Variants in PDPK1 observed in about 807,000 individuals in gnomAD.
PDPK1 encodes the protein 3-phosphoinositide dependent protein kinase 1.
Under a neutral mutation model 39.8 loss-of-function variants are expected in PDPK1, and 7 were observed. The ratio of observed to expected loss-of-function variants is 0.18; its 90% confidence interval spans 0.10 to 0.33. The LOEUF is 0.33. Among genes scored for constraint, PDPK1 ranks in the 10% least tolerant of loss-of-function variants. The probability of loss-of-function intolerance (pLI) is 1.00; values close to 1 mark genes in which losing one functional copy is unlikely to be tolerated. For missense variants in PDPK1, 182 were observed against 384.7 expected (o/e 0.47, Z 4.41); for synonymous variants, 118 against 159.1 (o/e 0.74, Z 1.95).
chr16:2,597,548 G>T lies in PDPK1; in HGVS notation c.1555-103G>T. ...GTGTGAATAACCGTCACACCCACGT[G>T]CTTTCAGGACTCGGAATGGCTGGTC... On this transcript the variant is annotated intron_variant, in intron 13 of 13. Coordinates refer to ENST00000342085, the MANE Select transcript of PDPK1 (RefSeq NM_002613.5). The surrounding 1 kb of genome is among the most constrained non-coding windows in gnomAD (Gnocchi z 6.3). The T allele has an allele frequency of 1.2e-6, 1 of 852,634 alleles. No individual in the cohort carries two copies. The highest frequency in any genetic ancestry group is 2.0e-6 in the Non-Finnish European group (1 of 494,622). The allele number at this position is 852,634 out of a possible 1,614,324, so 52.8% of individuals were successfully genotyped here. A position where few individuals can be genotyped will look rare whatever the true frequency, so the allele number is the denominator to read the frequency against.
At chr16:2,553,791 T>C (rs2141955173) in intron 1 of PDPK1, among the ~76,000 whole-genome samples, 1 of 150,736 alleles carries the variant, frequency 6.6e-6, no homozygotes, top group African/African-American at 2.5e-5. Context: ...GGCAGATGGA[T>C]TGGGCTGTGC....
intron 1 of PDPK1, among the ~76,000 whole-genome samples, chr16:2,547,267 C>T (rs1055447900): frequency 1.4e-5 from 2 of 145,756 alleles, no homozygotes; most frequent in African/African-American, 5.6e-5. Flanking sequence ...GCGCTAGGTT[C>T]GTCTGCGTTT....
intron 11 of PDPK1, among the ~76,000 whole-genome samples, 197 bp from the exon 12 acceptor site, chr16:2,595,596 T>C (rs940942821): frequency 3.9e-5 from 6 of 152,160 alleles, no homozygotes; most frequent in African/African-American, 1.4e-4. Context: ...CCGTTGCAAA[T>C]ACGGATTAAG....
intron 6 of PDPK1, chr16:2,577,050 G>A (rs1165642673): frequency 2.6e-6 from 1 of 382,828 alleles, no homozygotes; most frequent in Non-Finnish European, 4.7e-6. Context: ...GTTTGTGATG[G>A]AAAGGAGGTT....
At chr16:2,552,006 G>A (rs1257131461) in intron 1 of PDPK1, among the ~76,000 whole-genome samples, 4 of 150,994 alleles carry the variant, frequency 2.6e-5, no homozygotes, top group Non-Finnish European at 5.9e-5. Flanking sequence ...AAAAAGATGG[G>A]GTTCTTAAAA....
At chr16:2,545,178 C>G (rs1395976356) in intron 1 of PDPK1, among the ~76,000 whole-genome samples, 3 of 151,418 alleles carry the variant, frequency 2.0e-5, no homozygotes, top group Admixed American at 6.6e-5. Context: ...CTGGGACTTA[C>G]AGGTGTGTAC....
rs1007127163 is a variant in PDPK1 at position 2,597,748 on chromosome 16, C to G, written c.1652C>G (p.Pro551Arg). 3 of 1,611,938 alleles carry G rather than the reference C, an allele frequency of 1.9e-6. No individual in the cohort carries two copies. Among genetic ancestry groups the G allele is most frequent in the Non-Finnish European group, 8.5e-7 (1 of 1,179,074 alleles). Residue 551 changes from proline to arginine, a missense_variant, in exon 14 of 14, where the codon CCG (proline) becomes CGG (arginine). Pro to Arg is a moderately radical substitution (Grantham distance 103, BLOSUM62 -2). Around this residue, in one of 5 missense-constraint regions of PDPK1, gnomAD observed 67 missense variants for 87.8 expected, o/e 0.76. Coordinates refer to ENST00000342085, the MANE Select transcript of PDPK1 (RefSeq NM_002613.5). The surrounding 1 kb of genome is among the most constrained non-coding windows in gnomAD (Gnocchi z 6.3). Reference sequence around the variant, plus strand: ...TGGAGGCAGCGATACCAGAGCCACCCGGACGCCGCTGTGCAGTGACGTGGC... The same window carrying G: ...TGGAGGCAGCGATACCAGAGCCACCGGGACGCCGCTGTGCAGTGACGTGGC... ...EVWRQRYQSH[P>R]DAAVQ is the part of the protein sequence containing the mutation.
rs572997169 is a variant in PDPK1 at position 2,599,805 on chromosome 16, A to G, written c.*2038A>G. On this transcript the variant is annotated 3_prime_UTR_variant, in exon 14 of 14. Transcript: ENST00000342085. ...TCTCTCAGGGCGTCTGGTTATAGGG[A>G]AACAAGTGGAGCAGGGACGTGGCTT... 1.9e-4 allele frequency: 44 copies of G among 233,860 alleles called. 1 individual carries two copies. In the South Asian group the frequency reaches 4.9e-3, roughly 26 times the overall value. 14.5% of individuals were successfully genotyped at this position (233,860 alleles called of 1,614,324 possible).
chr16:2,552,069 G>A (rs374959610), intron 1 of PDPK1, among the ~76,000 whole-genome samples: 2 of 151,292 alleles, frequency 1.3e-5, no homozygotes, highest in Admixed American at 1.4e-4. Context: ...CCTGGCCTCA[G>A]GTGATTCTCC....
At chr16:2,551,791 C>T (rs1431222995) in intron 1 of PDPK1, among the ~76,000 whole-genome samples, 11 of 151,102 alleles carry the variant, frequency 7.3e-5, no homozygotes, top group Non-Finnish European at 1.2e-4. Flanking sequence ...CTCAGCCTCC[C>T]GAGTAGCTGG....
intron 11 of PDPK1, chr16:2,592,373 A>AG: frequency 4.0e-6 from 1 of 249,874 alleles, no homozygotes; most frequent in Non-Finnish European, 7.9e-6. Flanking sequence ...GCGAGTAGTT[A>AG]GGTGTGTCTC....
At position 2,590,987 on chromosome 16, in the gene PDPK1, G is replaced by A. The variant is rs2066979058; in HGVS notation, c.1343+4094G>A. ...TTTTTTTTTTTCTGTTTTTGAAACG[G>A]AGTCTCATTCTGTCGCCCAGGCTGG... On this transcript the variant is annotated intron_variant, in intron 11 of 13. Transcript: ENST00000342085. Among the ~76,000 whole-genome samples the A allele has an allele frequency of 2.7e-5, 4 of 150,016 alleles. No individual in the cohort carries two copies. In the South Asian group the frequency reaches 8.4e-4, roughly 32 times the overall value.
intron 2 of PDPK1, among the ~76,000 whole-genome samples, chr16:2,560,113 CA>C (rs1211600474): frequency 6.6e-6 from 1 of 151,236 alleles, no homozygotes; most frequent in African/African-American, 2.4e-5. Context: ...AGGGACACGT[CA>C]CGCGCCATTC....
intron 7 of PDPK1, among the ~76,000 whole-genome samples, chr16:2,577,832 G>T (rs760777653): frequency 2.7e-5 from 4 of 149,106 alleles, no homozygotes; most frequent in Admixed American, 6.7e-5. Context: ...TCCGCCTCCC[G>T]GGTTCAAGCA....
At position 2,597,086 on chromosome 16, in the gene PDPK1, G is replaced by A; in HGVS notation, c.1402-37G>A. 1 of 1,516,192 alleles carries A rather than the reference G, an allele frequency of 6.6e-7. No homozygotes were observed. The highest frequency in any genetic ancestry group is 8.9e-7 in the Non-Finnish European group (1 of 1,124,038). The allele number at this position is 1,516,192 out of a possible 1,614,324, so 93.9% of individuals were successfully genotyped here. A position where few individuals can be genotyped will look rare whatever the true frequency, so the allele number is the denominator to read the frequency against. On this transcript the variant is annotated intron_variant, in intron 12 of 13. Coordinates refer to ENST00000342085, the MANE Select transcript of PDPK1 (RefSeq NM_002613.5). The surrounding 1 kb of genome is among the most constrained non-coding windows in gnomAD (Gnocchi z 6.3). ...GGCTCCAGGAGATGCCGTCAGCACT[G>A]GCCTCTGAGGCCTGTTGTTTTGTGT...
At position 2,599,681 on chromosome 16, in the gene PDPK1, C is replaced by A. The variant is rs1409983708; in HGVS notation, c.*1914C>A. On this transcript the variant is annotated 3_prime_UTR_variant, in exon 14 of 14. Transcript: ENST00000342085. Reference sequence around the variant, plus strand: ...GCTGTGTTGGGGAGTCTCTCTTAGCCCTTTCAGGAATTTCTGTTCAGGCTT... The same window carrying A: ...GCTGTGTTGGGGAGTCTCTCTTAGCACTTTCAGGAATTTCTGTTCAGGCTT... 4.3e-6 allele frequency: 1 copy of A among 233,150 alleles called. No homozygotes were observed. The highest frequency in any genetic ancestry group is 2.2e-5 in the African/African-American group (1 of 45,334). 14.4% of individuals were successfully genotyped at this position (233,150 alleles called of 1,614,324 possible).
At chr16:2,590,612 A>G (rs1173596380) in intron 11 of PDPK1, among the ~76,000 whole-genome samples, 1 of 152,236 alleles carries the variant, frequency 6.6e-6, no homozygotes, top group East Asian at 1.9e-4. Context: ...ATGCAGACTT[A>G]GCTATTTGGC....
At chr16:2,589,536 AAATC>A (rs2066945109) in intron 11 of PDPK1, among the ~76,000 whole-genome samples, 1 of 151,948 alleles carries the variant, frequency 6.6e-6, no homozygotes, top group Non-Finnish European at 1.5e-5. Flanking sequence ...AAAAATACAA[AAATC>A]AACCAGGCAT....
At chr16:2,545,733 T>A (rs2066331082) in intron 1 of PDPK1, among the ~76,000 whole-genome samples, 1 of 152,124 alleles carries the variant, frequency 6.6e-6, no homozygotes, top group Admixed American at 6.5e-5. Context: ...AATGTCATGA[T>A]TCACCCGCCT....
Sources: gnomAD v4.1 joint callset for allele counts (sites outside exome capture counted in the v4.1 genomes callset) on GRCh38, gnomAD v4.1.1 for gene constraint, gnomAD v4.1.1 regional missense constraint, Gnocchi (gnomAD v3.1) non-coding constraint, MANE v1.5 for transcripts, NCBI Gene and HGNC (gene_info 2026-07-23, HGNC 2026-07-21) for gene names.